RSRP1: variants seen among roughly 807,000 people sequenced by gnomAD.
The protein encoded by RSRP1 is arginine/serine-rich protein 1.
Under a neutral mutation model 33.0 loss-of-function variants are expected in RSRP1, and 37 were observed. The ratio of observed to expected loss-of-function variants is 1.12; its 90% CI spans 0.86 to 1.48. The LOEUF (loss-of-function observed/expected upper bound fraction) is 1.48. Among genes scored for constraint, RSRP1 ranks in the 40% most tolerant of loss-of-function variants. The pLI is 0.00. For synonymous variants in RSRP1, 167 were observed against 158.7 expected, an observed-to-expected ratio of 1.05 and a Z score of -0.40; for missense variants, 402 against 385.3, an observed-to-expected ratio of 1.04 and a Z score of -0.36.
intron 1 of RSRP1, among the ~76,000 whole-genome samples, chr1:25,263,936 G>A (rs1250739280): frequency 6.6e-6 from 1 of 152,028 alleles, no homozygotes; most frequent in Non-Finnish European, 1.5e-5. Context: ...GCCCATGAGA[G>A]TCCAAAATCC....
chr1:25,243,808 A>T, intron 3 of RSRP1, 175 bp from the exon 4 acceptor site: 1 of 1,359,662 alleles, frequency 7.4e-7, no homozygotes, highest in Non-Finnish European at 9.5e-7. Context: ...AACTGATTTA[A>T]TATTAGGCTT....
At chr1:25,314,885 T>A (rs1399043255) in intron 1 of RSRP1, among the ~76,000 whole-genome samples, 2 of 131,126 alleles carry the variant, frequency 1.5e-5, no homozygotes, top group Non-Finnish European at 3.6e-5. Context: ...TTGTTCCCTT[T>A]ATGTTTAGTT....
intron 1 of RSRP1, among the ~76,000 whole-genome samples, chr1:25,301,905 T>G (rs28510210): frequency 0.68 from 87,144 of 128,748 alleles, 35,781 homozygotes; most frequent in South Asian, 0.86. Context: ...TTTCTGGGGG[T>G]AGTGATTAAA....
chr1:25,322,343 T>C (rs1644756897), intron 1 of RSRP1, among the ~76,000 whole-genome samples: 1 of 132,600 alleles, frequency 7.5e-6, no homozygotes, highest in Non-Finnish European at 1.8e-5. Flanking sequence ...AACCCCTTTT[T>C]TGACAGATGC....
rs1222740363 is a variant in RSRP1, at chr1:25,315,731, C to T, written c.-67+22247G>A. ...CAGGATGGTCTCCATCTCCTGACCT[C>T]ATGATCTGCCCGCCTCGGCCTCCCA... On this transcript the variant is annotated intron_variant, in intron 1 of 1. Transcript: ENST00000561867. 3.8e-5 allele frequency among the ~76,000 whole-genome samples: 5 copies of T among 130,042 alleles called. 1 individual carries two copies. The allele number at this position is 130,042 out of a possible 152,430, so 85.3% of individuals were successfully genotyped here. A position where few individuals can be genotyped will look rare whatever the true frequency, so the allele number is the denominator to read the frequency against.
intron 3 of RSRP1, 39 bp from the exon 4 acceptor site, chr1:25,243,672 A>AC (rs1177128850): frequency 6.2e-7 from 1 of 1,606,812 alleles, no homozygotes. Context: ...TAAAACACAT[A>AC]CCCTTGGTTT....
At position 25,275,535 on chromosome 1, in the gene RSRP1, G is replaced by A. The variant is rs141951762; in HGVS notation, c.-66-28506C>T. Among the ~76,000 whole-genome samples the A allele has an allele frequency of 8.4e-4, 111 of 131,668 alleles. 13 individuals are homozygous for A. The highest frequency in any genetic ancestry group is 2.2e-3 in the African/African-American group (85 of 38,748). 86.4% of individuals were successfully genotyped at this position (131,668 alleles called of 152,430 possible). ...ATTGACCTGAGGACTTCAACATTCT[G>A]ATGGTGTACACACGATTTTTTGAGC... On this transcript the variant is annotated intron_variant, in intron 1 of 1. Transcript: ENST00000561867.
chr1:25,247,106 A>C (rs921195378), intron 1 of RSRP1, 77 bp from the exon 2 acceptor site: 2 of 915,196 alleles, frequency 2.2e-6, no homozygotes, highest in Non-Finnish European at 3.1e-6. Flanking sequence ...CAGTCGGGGA[A>C]CCTCCGGGAG....
At position 25,306,484 on chromosome 1, in the gene RSRP1, C is replaced by T. The variant is rs188463150; in HGVS notation, c.-67+31494G>A. ...CTGAGAAGGGCTTCTTTGAGGTGAGCCTTAGTGCCCATCCCCCTTTGGTGG... is the reference window on the plus strand; with the variant it reads ...CTGAGAAGGGCTTCTTTGAGGTGAGTCTTAGTGCCCATCCCCCTTTGGTGG... On this transcript the variant is annotated intron_variant, in intron 1 of 1. Coordinates refer to the RSRP1 transcript ENST00000561867. 2.6e-4 allele frequency: 272 copies of T among 1,028,236 alleles called. 20 individuals carry two copies. The East Asian group carries it at 5.7e-3, about 21-fold the overall frequency. 63.7% of individuals were successfully genotyped at this position (1,028,236 alleles called of 1,614,324 possible).
At chr1:25,281,267 A>G (rs657260) in intron 1 of RSRP1, among the ~76,000 whole-genome samples, 9,306 of 126,680 alleles carry the variant, frequency 0.073, 1,746 homozygotes, top group African/African-American at 0.26. Flanking sequence ...CAAGTTGTGG[A>G]GCTTTCATAA....
chr1:25,268,330 C>A (rs1167907961), intron 1 of RSRP1, among the ~76,000 whole-genome samples: 1 of 131,784 alleles, frequency 7.6e-6, no homozygotes, highest in African/African-American at 2.6e-5. Context: ...ACCAGACTAG[C>A]CAACGTGGTG....
intron 1 of RSRP1, among the ~76,000 whole-genome samples, chr1:25,293,386 A>C (rs1451698256): frequency 7.6e-6 from 1 of 130,972 alleles, no homozygotes; most frequent in Non-Finnish European, 1.8e-5. Flanking sequence ...TATTTAAAAA[A>C]ATTATTTTCA....
In RSRP1 at chr1:25,287,123, A is replaced by T. The variant is rs115025156; in HGVS notation, c.-66-40094T>A. Among the ~76,000 whole-genome samples the T allele has an allele frequency of 7.8e-3, 1,049 of 135,098 alleles. 145 individuals are homozygous for T. The highest frequency in any genetic ancestry group is 0.025 in the African/African-American group (978 of 39,132). 88.6% of individuals were successfully genotyped at this position (135,098 alleles called of 152,430 possible). The stretch of plus-strand genomic sequence containing the variant: ...CAAAACAAAACAAAAACAGTCTATG[A>T]GTTAATTCCCACCAGAATTCAATAC... On this transcript the variant is annotated intron_variant, in intron 1 of 1. Transcript: ENST00000561867.
At chr1:25,300,245 T>C (rs990838893) in intron 1 of RSRP1, among the ~76,000 whole-genome samples, 4 of 130,722 alleles carry the variant, frequency 3.1e-5, no homozygotes, top group African/African-American at 7.9e-5. Context: ...ATAGGCCGGG[T>C]GTGGTGGCTC....
chr1:25,244,594 T>A, intron 3 of RSRP1: 1 of 1,272,214 alleles, frequency 7.9e-7, no homozygotes, highest in Middle Eastern at 2.5e-4. Flanking sequence ...ACAAACACTC[T>A]GTAAATAGCT....
At chr1:25,301,319 T>C (rs1223669740) in intron 1 of RSRP1, among the ~76,000 whole-genome samples, 1 of 130,874 alleles carries the variant, frequency 7.6e-6, no homozygotes, top group Non-Finnish European at 1.8e-5. Flanking sequence ...TTCAACCCTC[T>C]TGGCCTTTGT....
rs1643648909 is a variant in RSRP1, at chr1:25,304,565, T to A, written c.-67+33413A>T. The A allele has an allele frequency of 1.6e-5, 2 of 127,378 alleles. 1 individual carries two copies. The highest frequency in any genetic ancestry group is 1.5e-4 in the Admixed American group (2 of 13,154). The allele number at this position is 127,378 out of a possible 1,614,324, so 7.9% of individuals were successfully genotyped here. ...GTGAGCTGAAATCGTGCCATGGCAC[T>A]CCAGCCTGGGCGACAGAACAAGACT... On this transcript the variant is annotated intron_variant, in intron 1 of 1. Transcript: ENST00000561867.
Position 25,306,848 on chromosome 1 carries a change from G to A in RSRP1, c.-67+31130C>T, listed in dbSNP as rs752862357. On this transcript the variant is annotated intron_variant, in intron 1 of 1. Transcript: ENST00000561867. ...GGGGCCAGGTGCTCAGTAGGCTTCG[G>A]TGAATATTTGTTGGCTGATTTATTC... is the stretch of plus-strand genomic sequence containing the variant. 3 of 971,426 alleles carry A rather than the reference G, an allele frequency of 3.1e-6. 1 individual carries two copies. Among genetic ancestry groups the A allele is most frequent in the Non-Finnish European group, 4.9e-6 (3 of 617,838 alleles). 60.2% of individuals were successfully genotyped at this position (971,426 alleles called of 1,614,324 possible).
chr1:25,303,512 G>A lies in RSRP1; in HGVS notation c.-67+34466C>T, dbSNP rs1205859989. 2.0e-4 allele frequency: 278 copies of A among 1,359,692 alleles called. 78 individuals are homozygous for A. The highest frequency in any genetic ancestry group is 2.7e-4 in the Non-Finnish European group (263 of 962,828). The allele number at this position is 1,359,692 out of a possible 1,614,324, so 84.2% of individuals were successfully genotyped here. A position where few individuals can be genotyped will look rare whatever the true frequency, so the allele number is the denominator to read the frequency against. The stretch of plus-strand genomic sequence containing the variant: ...TGCTTTGGCTGAAGGCCAGCAGGAC[G>A]CTGGGACCTGATGGGCCACTGTGCA... On this transcript the variant is annotated intron_variant, in intron 1 of 1. Transcript: ENST00000561867.
Sources: allele counts gnomAD v4.1 joint callset (sites outside exome capture counted in the v4.1 genomes callset), GRCh38; gene constraint gnomAD v4.1.1; transcripts MANE v1.5; gene names NCBI Gene and HGNC (gene_info 2026-07-23, HGNC 2026-07-21).